ROCK2: variants seen among roughly 807,000 people sequenced by gnomAD.
The protein encoded by ROCK2 is rho-associated protein kinase 2.
Under a neutral mutation model 195.1 loss-of-function variants are expected in ROCK2, and 61 were observed. The ratio of observed to expected loss-of-function variants is 0.31; its 90% CI spans 0.25 to 0.39. The LOEUF (loss-of-function observed/expected upper bound fraction) is 0.39. Ranked by LOEUF, ROCK2 falls within the 10% of genes least tolerant of loss-of-function variation. The pLI is 1.00. For missense variants in ROCK2, 1,109 were observed against 1,637.4 expected (o/e 0.68, Z 5.57); for synonymous variants, 504 against 545.5 (o/e 0.92, Z 1.06).
chr2:11,256,388 G>GT (rs767063665), intron 3 of ROCK2, among the ~76,000 whole-genome samples: 1 of 151,074 alleles, frequency 6.6e-6, no homozygotes, highest in Non-Finnish European at 1.5e-5. Flanking sequence ...CTCTGGCCAC[G>GT]TAAGACGTGC....
chr2:11,301,311 C>T (rs1364300194), intron 1 of ROCK2, among the ~76,000 whole-genome samples: 2 of 151,942 alleles, frequency 1.3e-5, no homozygotes, highest in East Asian at 1.9e-4. Context: ...AAGATTAAAA[C>T]TTCAGAGGTC....
rs1558369735 is a variant in ROCK2, at chr2:11,295,998, A to AG, written c.142-8263dup. Among the ~76,000 whole-genome samples the AG allele has an allele frequency of 1.1e-3, 26 of 24,418 alleles. 1 individual carries two copies. The highest frequency in any genetic ancestry group is 2.1e-3 in the South Asian group (1 of 466). 16.0% of individuals were successfully genotyped at this position (24,418 alleles called of 152,430 possible). A position where few individuals can be genotyped will look rare whatever the true frequency, so the allele number is the denominator to read the frequency against. On this transcript the variant is annotated intron_variant, in intron 1 of 32. Transcript: ENST00000315872. The stretch of plus-strand genomic sequence containing the variant: ...AGAGAGAGAGAGAGAGAGGAGAGAG[A>AG]GAGAGAGGAGAGAGAGAGAGAGAGA...
intron 1 of ROCK2, among the ~76,000 whole-genome samples, chr2:11,328,101 C>T (rs1668602587): frequency 6.6e-6 from 1 of 152,138 alleles, no homozygotes; most frequent in Admixed American, 6.5e-5. Flanking sequence ...TGATATGAAA[C>T]TTCTATCCCC....
At chr2:11,238,013 G>A (rs867940496) in intron 4 of ROCK2, among the ~76,000 whole-genome samples, 3 of 152,216 alleles carry the variant, frequency 2.0e-5, no homozygotes, top group African/African-American at 7.2e-5. Flanking sequence ...GGGAGGCAGA[G>A]GTTGCACTGA....
intron 32 of ROCK2, among the ~76,000 whole-genome samples, chr2:11,188,941 CAGG>C (rs1663309812): frequency 1.3e-5 from 2 of 151,204 alleles, no homozygotes; most frequent in South Asian, 2.1e-4. Context: ...AAGGCTGAGG[CAGG>C]AGAATTGCTT....
intron 3 of ROCK2, among the ~76,000 whole-genome samples, chr2:11,276,083 T>C (rs1200773939): frequency 6.6e-6 from 1 of 152,170 alleles, no homozygotes; most frequent in Non-Finnish European, 1.5e-5. Flanking sequence ...ATAAACTACA[T>C]ATGTGAAACA....
intron 3 of ROCK2, among the ~76,000 whole-genome samples, chr2:11,282,447 A>G (rs188740990): frequency 1.3e-5 from 2 of 152,184 alleles, no homozygotes; most frequent in African/African-American, 2.4e-5. Flanking sequence ...TAATCAAGAC[A>G]ATGTGATATT....
chr2:11,202,698 G>A (rs1303702536), intron 20 of ROCK2, among the ~76,000 whole-genome samples: 21 of 151,994 alleles, frequency 1.4e-4, no homozygotes, highest in East Asian at 9.7e-4. Flanking sequence ...GGGTTTCACC[G>A]TGTTAGCCAG....
intron 6 of ROCK2, 62 bp downstream of exon 6, chr2:11,227,192 C>A (rs918144416): frequency 7.0e-7 from 1 of 1,432,850 alleles, no homozygotes. Flanking sequence ...TTCTCAAATT[C>A]TTGACTGAAA....
chr2:11,263,305 C>T (rs1356277615), intron 3 of ROCK2, among the ~76,000 whole-genome samples: 1 of 152,174 alleles, frequency 6.6e-6, no homozygotes, highest in East Asian at 1.9e-4. Context: ...AAACTTTCTA[C>T]ATTCAAGTTT....
intron 20 of ROCK2, among the ~76,000 whole-genome samples, chr2:11,206,490 A>T (rs1572241582): frequency 6.6e-6 from 1 of 152,216 alleles, no homozygotes; most frequent in Non-Finnish European, 1.5e-5. Flanking sequence ...AAAGACAAAG[A>T]TGTCTGATTA....
intron 17 of ROCK2, among the ~76,000 whole-genome samples, chr2:11,213,458 C>T (rs1286827230): frequency 6.6e-6 from 1 of 151,830 alleles, no homozygotes; most frequent in African/African-American, 2.4e-5. Context: ...GCCAATCTAA[C>T]CTGATGCCTT....
intron 1 of ROCK2, among the ~76,000 whole-genome samples, chr2:11,342,332 T>C (rs1669132608): frequency 6.6e-6 from 1 of 152,196 alleles, no homozygotes; most frequent in South Asian, 2.1e-4. Flanking sequence ...CCTGAACATG[T>C]GAGATGTTTC....
chr2:11,251,292 A>G (rs1461919704), intron 3 of ROCK2, among the ~76,000 whole-genome samples: 3 of 152,264 alleles, frequency 2.0e-5, no homozygotes, highest in African/African-American at 7.2e-5. Context: ...ATTGCCTAGT[A>G]TAATGTCTGG....
intron 1 of ROCK2, chr2:11,308,492 C>G: frequency 1.3e-6 from 2 of 1,594,988 alleles, no homozygotes; most frequent in South Asian, 1.1e-5. Flanking sequence ...TACTTTCTTA[C>G]CAAGGTTGCC....
chr2:11,190,832 T>C (rs1457507735), intron 32 of ROCK2, among the ~76,000 whole-genome samples: 3 of 152,140 alleles, frequency 2.0e-5, no homozygotes, highest in Non-Finnish European at 2.9e-5. Context: ...ATATTAATAA[T>C]AGAAATTTAA....
intron 4 of ROCK2, among the ~76,000 whole-genome samples, chr2:11,236,737 T>A (rs755803739): frequency 6.6e-5 from 10 of 151,984 alleles, no homozygotes; most frequent in Non-Finnish European, 1.3e-4. Flanking sequence ...AGGGAAAAGA[T>A]AAAACTAAGA....
chr2:11,209,479 A>G (rs952620767), intron 18 of ROCK2, among the ~76,000 whole-genome samples: 10 of 152,348 alleles, frequency 6.6e-5, no homozygotes, highest in African/African-American at 2.4e-4. Flanking sequence ...TTAAAAAGCA[A>G]AACGGTATAG....
At chr2:11,311,320 G>A (rs1171917303) in intron 1 of ROCK2, among the ~76,000 whole-genome samples, 3 of 152,098 alleles carry the variant, frequency 2.0e-5, no homozygotes, top group Non-Finnish European at 4.4e-5. Flanking sequence ...TCCTTGAGGT[G>A]GCAGGGTGGT....
Sources: gnomAD v4.1 joint callset for allele counts (sites outside exome capture counted in the v4.1 genomes callset) on GRCh38, gnomAD v4.1.1 for gene constraint, MANE v1.5 for transcripts, NCBI Gene and HGNC (gene_info 2026-07-23, HGNC 2026-07-21) for gene names.